The following SLC8A1 variants were observed in gnomAD, a reference collection of about 807,000 sequenced individuals.
SLC8A1 encodes sodium/calcium exchanger 1.
SLC8A1 carries 18 observed loss-of-function variants against 68.3 expected under a neutral mutation model. That is an observed-to-expected ratio of 0.26 (90% confidence interval 0.18 to 0.39). The LOEUF (loss-of-function observed/expected upper bound fraction) is 0.39, where lower values mean the gene tolerates loss of function less well. Ranked by LOEUF, SLC8A1 falls within the 10% of genes least tolerant of loss-of-function variation. The pLI, the probability that SLC8A1 is intolerant of heterozygous loss-of-function variation, is 1.00. For missense variants in SLC8A1, 985 were observed against 1,156.7 expected (o/e 0.85, Z 2.15); for synonymous variants, 475 against 415.5 (o/e 1.14, Z -1.74).
At chr2:40,372,690 C>G (rs951286169) in intron 2 of SLC8A1, among the ~76,000 whole-genome samples, 3 of 152,080 alleles carry the variant, frequency 2.0e-5, no homozygotes, top group African/African-American at 4.8e-5. Context: ...TTCCTGCATT[C>G]TTTCTATGTT....
intron 2 of SLC8A1, among the ~76,000 whole-genome samples, chr2:40,369,513 C>G (rs535089677): frequency 6.6e-6 from 1 of 152,086 alleles, no homozygotes; most frequent in Non-Finnish European, 1.5e-5. Context: ...AGAGTTCTGT[C>G]TGTTTTTCAT....
intron 2 of SLC8A1, chr2:40,251,012 G>A (rs982896872): frequency 2.6e-5 from 4 of 152,082 alleles, no homozygotes; most frequent in Admixed American, 6.6e-5. Flanking sequence ...TACAGAACTC[G>A]GGAGAGTTAA....
chr2:40,196,011 A>G (rs1453505322), intron 2 of SLC8A1: 1 of 149,120 alleles, frequency 6.7e-6, no homozygotes, highest in African/African-American at 2.5e-5. Flanking sequence ...GAGAAATGCT[A>G]GGGTCCTTGA....
chr2:40,150,328 T>C (rs1413780863), intron 6 of SLC8A1, among the ~76,000 whole-genome samples: 3 of 152,210 alleles, frequency 2.0e-5, no homozygotes, highest in Non-Finnish European at 4.4e-5. Context: ...CCAGTCACTT[T>C]TATGTGGCTC....
At chr2:40,407,732 G>T (rs1296751538) in intron 2 of SLC8A1, among the ~76,000 whole-genome samples, 1 of 152,100 alleles carries the variant, frequency 6.6e-6, no homozygotes, top group Non-Finnish European at 1.5e-5. Flanking sequence ...CCAACTTCCT[G>T]GCACTTTGTG....
At chr2:40,223,647 T>C (rs1181068487) in intron 2 of SLC8A1, 1 of 152,048 alleles carries the variant, frequency 6.6e-6, no homozygotes, top group Non-Finnish European at 1.5e-5. Flanking sequence ...AAATCACTAG[T>C]GGGTAAAAAA....
At chr2:40,419,572 C>G (rs921322397) in intron 2 of SLC8A1, among the ~76,000 whole-genome samples, 4 of 151,940 alleles carry the variant, frequency 2.6e-5, no homozygotes, top group Admixed American at 6.6e-5. Context: ...GTCTCTTTTT[C>G]TCTCTCTGTC....
chr2:40,351,638 A>T (rs1671130627), intron 2 of SLC8A1, among the ~76,000 whole-genome samples: 1 of 152,140 alleles, frequency 6.6e-6, no homozygotes, highest in African/African-American at 2.4e-5. Context: ...TCCAACCAAG[A>T]CAGACCAAGA....
At chr2:40,330,963 C>T (rs757460872) in intron 2 of SLC8A1, among the ~76,000 whole-genome samples, 2 of 152,128 alleles carry the variant, frequency 1.3e-5, no homozygotes, top group Non-Finnish European at 2.9e-5. Flanking sequence ...TGAATAAAAA[C>T]GTCTCAAAAG....
chr2:40,353,949 A>C (rs1251780544), intron 2 of SLC8A1, among the ~76,000 whole-genome samples: 1 of 152,208 alleles, frequency 6.6e-6, no homozygotes, highest in African/African-American at 2.4e-5. Flanking sequence ...GTACCATTTT[A>C]CCTACAAGGC....
At chr2:40,111,459 T>C (rs183160562) in exon 8 of SLC8A1, 126 of 152,234 alleles carry the variant, frequency 8.3e-4, no homozygotes, top group African/African-American at 2.8e-3. Flanking sequence ...TATGACCATA[T>C]AAAGAATATA....
At chr2:40,212,236 C>T (rs1013956434) in intron 2 of SLC8A1, among the ~76,000 whole-genome samples, 1 of 148,282 alleles carries the variant, frequency 6.7e-6, no homozygotes, top group African/African-American at 2.5e-5. Flanking sequence ...ATTCTGGCGA[C>T]TTATCTGTTA....
chr2:40,152,557 A>T (rs1408976765), intron 6 of SLC8A1, among the ~76,000 whole-genome samples: 1 of 149,186 alleles, frequency 6.7e-6, no homozygotes, highest in East Asian at 1.9e-4. Context: ...GGTGTGCACC[A>T]CTACGCCTAG....
intron 1 of SLC8A1, among the ~76,000 whole-genome samples, chr2:40,441,296 A>T (rs1034860330): frequency 6.6e-6 from 1 of 152,144 alleles, no homozygotes; most frequent in South Asian, 2.1e-4. Flanking sequence ...ATGGAAAAAC[A>T]TTCCATGTTC....
intron 2 of SLC8A1, among the ~76,000 whole-genome samples, chr2:40,200,192 T>TAAA (rs2053920580): frequency 1.0e-4 from 1 of 9,614 alleles, no homozygotes; most frequent in South Asian, 2.2e-3. Flanking sequence ...ATATATATAT[T>TAAA]TATATATATA....
At chr2:40,375,863 G>A (rs963074232) in intron 2 of SLC8A1, among the ~76,000 whole-genome samples, 8 of 151,980 alleles carry the variant, frequency 5.3e-5, no homozygotes, top group Non-Finnish European at 7.4e-5. Flanking sequence ...TTAGCTGGGC[G>A]CAGTGGTGCA....
intron 1 of SLC8A1, among the ~76,000 whole-genome samples, chr2:40,500,886 A>T (rs912994659): frequency 1.5e-5 from 2 of 132,546 alleles, no homozygotes; most frequent in Non-Finnish European, 3.1e-5. Context: ...TTACAAAGGT[A>T]AACTAGATCA....
At chr2:40,162,700 AACTTGGAC>A (rs2045895575) in intron 5 of SLC8A1, among the ~76,000 whole-genome samples, 2 of 152,244 alleles carry the variant, frequency 1.3e-5, no homozygotes, top group South Asian at 4.1e-4. Flanking sequence ...CAGACACCTG[AACTTGGAC>A]ACTGTTGTCT....
intron 1 of SLC8A1, among the ~76,000 whole-genome samples, chr2:40,472,439 A>G (rs749418294): frequency 9.2e-5 from 14 of 152,310 alleles, no homozygotes; most frequent in Middle Eastern, 3.4e-3. Context: ...TTGTTTGCCA[A>G]TTATCACAAC....
Sources: gnomAD v4.1 joint callset for allele counts (sites outside exome capture counted in the v4.1 genomes callset) on GRCh38, gnomAD v4.1.1 for gene constraint, MANE v1.5 for transcripts, NCBI Gene and HGNC (gene_info 2026-07-23, HGNC 2026-07-21) for gene names.